The following IL2RA variants were observed in gnomAD, a reference collection of about 807,000 sequenced individuals.
IL2RA encodes the protein interleukin-2 receptor subunit alpha.
IL2RA carries 24 observed loss-of-function variants against 37.8 expected under a neutral mutation model. The observed-to-expected ratio is 0.63, with a 90% CI of 0.46 to 0.89. IL2RA has a LOEUF of 0.89. Among genes scored for constraint, IL2RA ranks in the 40% least tolerant of loss-of-function variants. IL2RA has a pLI of 0.00. For synonymous variants in IL2RA, 125 were observed against 114.6 expected, an observed-to-expected ratio of 1.09 and a Z score of -0.58; for missense variants, 319 against 348.6, an observed-to-expected ratio of 0.92 and a Z score of 0.68.
At chr10:6,062,008 G>A in intron 1 of IL2RA, 80 bp downstream of exon 1, 1 of 1,161,206 alleles carries the variant, frequency 8.6e-7, no homozygotes, top group Non-Finnish European at 1.3e-6. Flanking sequence ...TCTACCTGGG[G>A]ACTCCCTCTG....
intron 1 of IL2RA, among the ~76,000 whole-genome samples, chr10:6,040,253 C>T (rs1839751640): frequency 6.6e-6 from 1 of 152,068 alleles, no homozygotes; most frequent in Non-Finnish European, 1.5e-5. Flanking sequence ...ATAATTAAAG[C>T]GTTCATTGCT....
rs550905125 is a variant in IL2RA, at chr10:6,061,175, G to T, written c.64+913C>A. Among the ~76,000 whole-genome samples, 95 of 152,144 alleles carry T rather than the reference G, an allele frequency of 6.2e-4. 1 individual carries two copies. Among genetic ancestry groups the T allele is most frequent in the South Asian group, 5.2e-3 (25 of 4,812 alleles). ...AGGCCAGGGTGAGTGGATCACTTGA[G>T]CCCAGGAGTTCAAGACCAGCTTGGG... On this transcript the variant is annotated intron_variant, in intron 1 of 7. Coordinates refer to ENST00000379959, the MANE Select transcript of IL2RA (RefSeq NM_000417.3).
intron 1 of IL2RA, among the ~76,000 whole-genome samples, chr10:6,027,367 C>G (rs1320359697): frequency 6.8e-6 from 1 of 148,058 alleles, no homozygotes; most frequent in Non-Finnish European, 1.5e-5. Flanking sequence ...ACAGCTTGGC[C>G]CATCTCTAAC....
At position 6,058,037 on chromosome 10, in the gene IL2RA, G is replaced by A. The variant is rs980708330; in HGVS notation, c.64+4051C>T. On this transcript the variant is annotated intron_variant, in intron 1 of 7. Coordinates refer to ENST00000379959, the MANE Select transcript of IL2RA (RefSeq NM_000417.3). This position sits in a 1 kb window ranked among gnomAD's most constrained non-coding sequence, Gnocchi z 4.2. Reference sequence around the variant, plus strand: ...GCTACTTGGGGAGGCTGAGGCAGGAGAATCACTTGAACCCGGGAGGCAGAG... The same window carrying A: ...GCTACTTGGGGAGGCTGAGGCAGGAAAATCACTTGAACCCGGGAGGCAGAG... Among the ~76,000 whole-genome samples the A allele has an allele frequency of 3.9e-5, 6 of 152,272 alleles. No homozygotes were observed. Among genetic ancestry groups the A allele is most frequent in the African/African-American group, 1.4e-4 (6 of 41,538 alleles).
chr10:6,033,409 A>G lies in IL2RA; in HGVS notation c.65-7384T>C, dbSNP rs535113292. Among the ~76,000 whole-genome samples, 17 of 152,320 alleles carry G rather than the reference A, an allele frequency of 1.1e-4. No homozygotes were observed. The highest frequency in any genetic ancestry group is 4.1e-4 in the African/African-American group (17 of 41,572). On this transcript the variant is annotated intron_variant, in intron 1 of 7. Coordinates refer to ENST00000379959, the MANE Select transcript of IL2RA (RefSeq NM_000417.3). This position sits in a 1 kb window ranked among gnomAD's most constrained non-coding sequence, Gnocchi z 4.3. ...TCAGCAATTCTACTTCTAGGTATTTATCTAAGAGGAATGAAGGGATGTGTC... is the reference window on the plus strand; with the variant it reads ...TCAGCAATTCTACTTCTAGGTATTTGTCTAAGAGGAATGAAGGGATGTGTC...
intron 1 of IL2RA, among the ~76,000 whole-genome samples, chr10:6,050,152 G>A (rs1839927584): frequency 6.6e-6 from 1 of 152,200 alleles, no homozygotes; most frequent in South Asian, 2.1e-4. Flanking sequence ...ATTAACTTGG[G>A]GATGAATAAC....
chr10:6,042,812 T>A (rs1275892205), intron 1 of IL2RA, among the ~76,000 whole-genome samples: 1 of 152,210 alleles, frequency 6.6e-6, no homozygotes, highest in Non-Finnish European at 1.5e-5. Flanking sequence ...TAATGAGATT[T>A]TATTTTATAT....
intron 1 of IL2RA, among the ~76,000 whole-genome samples, chr10:6,032,259 A>C (rs1839607092): frequency 6.6e-6 from 1 of 152,182 alleles, no homozygotes; most frequent in Non-Finnish European, 1.5e-5. Context: ...AAAAGGCAAA[A>C]CTAAAAAGAT....
At chr10:6,024,671 CAT>C (rs997923267) in intron 2 of IL2RA, among the ~76,000 whole-genome samples, 5 of 152,128 alleles carry the variant, frequency 3.3e-5, no homozygotes, top group African/African-American at 1.2e-4. Flanking sequence ...GTTATGTGTG[CAT>C]GTGTGTGTCT....
Position 6,021,502 on chromosome 10 carries a change from C to T in IL2RA, c.559G>A (p.Glu187Lys), listed in dbSNP as rs768065888. 8 of 1,613,960 alleles carry T rather than the reference C, an allele frequency of 5.0e-6. No individual in the cohort carries two copies. The African/African-American group carries it at 8.0e-5, about 16-fold the overall frequency. Residue 187 changes from glutamate to lysine, a missense_variant, in exon 4 of 8, where the codon GAA becomes AAA. By Grantham distance (56) the Glu-to-Lys change is moderately conservative (BLOSUM62 1). Coordinates refer to ENST00000379959, the MANE Select transcript of IL2RA (RefSeq NM_000417.3). This position sits in a 1 kb window ranked among gnomAD's most constrained non-coding sequence, Gnocchi z 4.9. The part of the protein sequence containing the change: ...WTQPQLICTG[E>K]METSQFPGEE... ...CCTGGAAACTGACTGGTCTCCATTTCACCTGTGCATATGAGCTGGGGCTGG... is the reference window on the plus strand; with the variant it reads ...CCTGGAAACTGACTGGTCTCCATTTTACCTGTGCATATGAGCTGGGGCTGG...
At chr10:6,050,982 G>A (rs1444384695) in intron 1 of IL2RA, among the ~76,000 whole-genome samples, 1 of 152,170 alleles carries the variant, frequency 6.6e-6, no homozygotes, top group Non-Finnish European at 1.5e-5. Context: ...GGCTCACCCT[G>A]TGGTCTCAGC....
chr10:6,049,008 T>C (rs1181775983), intron 1 of IL2RA, among the ~76,000 whole-genome samples: 1 of 152,220 alleles, frequency 6.6e-6, no homozygotes, highest in African/African-American at 2.4e-5. Flanking sequence ...AGAATTTCTC[T>C]AGAGAAACAA....
chr10:6,021,864 G>A lies in IL2RA; in HGVS notation c.368-171C>T, dbSNP rs1839393641. On this transcript the variant is annotated intron_variant, in intron 3 of 7. Transcript: ENST00000379959. This position sits in a 1 kb window ranked among gnomAD's most constrained non-coding sequence, Gnocchi z 4.9. Reference sequence around the variant, plus strand: ...CGTCTGAGCGTGGGGAAGTTTGCTAGGCCCTGTAGGAAGGCACGAAGACCC... The same window carrying A: ...CGTCTGAGCGTGGGGAAGTTTGCTAAGCCCTGTAGGAAGGCACGAAGACCC... Among the ~76,000 whole-genome samples the A allele has an allele frequency of 6.6e-6, 1 of 152,132 alleles. No individual in the cohort carries two copies.
rs1032012043 is a variant in IL2RA at position 6,057,941 on chromosome 10, C to A, written c.64+4147G>T. ...AGGAGTTCGAGACCAGCCTGGCCAA[C>A]TTGGTGAAACCCCGTCTCTACTAAA... On this transcript the variant is annotated intron_variant, in intron 1 of 7. Transcript: ENST00000379959. The surrounding 1 kb of genome is among the most constrained non-coding windows in gnomAD (Gnocchi z 4.8). Among the ~76,000 whole-genome samples the A allele has an allele frequency of 2.0e-5, 3 of 152,138 alleles. No homozygotes were observed. The highest frequency in any genetic ancestry group is 7.2e-5 in the African/African-American group (3 of 41,424).
At chr10:6,055,194 A>G (rs1168142717) in intron 1 of IL2RA, among the ~76,000 whole-genome samples, 1 of 152,198 alleles carries the variant, frequency 6.6e-6, no homozygotes, top group Non-Finnish European at 1.5e-5. Context: ...AGATCCCTGG[A>G]TGATTTCTAA....
chr10:6,024,361 A>G lies in IL2RA; in HGVS notation c.257-7T>C. 1 of 1,571,808 alleles carries G rather than the reference A, an allele frequency of 6.4e-7. No individual in the cohort carries two copies. Among genetic ancestry groups the G allele is most frequent in the South Asian group, 1.1e-5 (1 of 90,238 alleles). On this transcript the variant is annotated splice_polypyrimidine_tract_variant and splice_region_variant and intron_variant, in intron 2 of 7. Transcript: ENST00000379959. Reference sequence around the variant, plus strand: ...TTCGTTGTGTTCCGAGTGGCTAGAAAATATAGATGGAATGATGCAGATAAT... The same window carrying G: ...TTCGTTGTGTTCCGAGTGGCTAGAAGATATAGATGGAATGATGCAGATAAT...
chr10:6,028,305 CA>C lies in IL2RA; in HGVS notation c.65-2281del, dbSNP rs1839516554. On this transcript the variant is annotated intron_variant, in intron 1 of 7. Transcript: ENST00000379959. This position sits in a 1 kb window ranked among gnomAD's most constrained non-coding sequence, Gnocchi z 4.1. ...AGCCAAGAGCTGGTCTGAACCTGAACAGGGCAGAACTCAGTGAAACTTAGCC... is the reference window on the plus strand; with the variant it reads ...AGCCAAGAGCTGGTCTGAACCTGAACGGGCAGAACTCAGTGAAACTTAGCC... Among the ~76,000 whole-genome samples the C allele has an allele frequency of 6.6e-6, 1 of 152,168 alleles. No homozygotes were observed. The highest frequency in any genetic ancestry group is 2.4e-5 in the African/African-American group (1 of 41,452).
In IL2RA at chr10:6,038,854, T is replaced by C. The variant is rs143735225; in HGVS notation, c.65-12829A>G. ...ATCTAAAATGACAGAGTAAAGTGAA[T>C]AACTTACAAGCTATTGGAAGAAAAT... On this transcript the variant is annotated intron_variant, in intron 1 of 7. Coordinates refer to ENST00000379959, the MANE Select transcript of IL2RA (RefSeq NM_000417.3). Among the ~76,000 whole-genome samples, 3 of 152,236 alleles carry C rather than the reference T, an allele frequency of 2.0e-5. No homozygotes were observed. The East Asian group carries it at 5.8e-4, about 29-fold the overall frequency.
At chr10:6,045,687 T>A (rs545892727) in intron 1 of IL2RA, among the ~76,000 whole-genome samples, 2 of 152,200 alleles carry the variant, frequency 1.3e-5, no homozygotes, top group Non-Finnish European at 2.9e-5. Context: ...GATGGAGTCA[T>A]ATTTTTAGTA....
Sources: allele counts gnomAD v4.1 joint callset (sites outside exome capture counted in the v4.1 genomes callset), GRCh38; gene constraint gnomAD v4.1.1; non-coding constraint Gnocchi (gnomAD v3.1); transcripts MANE v1.5; gene names NCBI Gene and HGNC (gene_info 2026-07-23, HGNC 2026-07-21).